EFHC1: variants seen among roughly 807,000 people sequenced by gnomAD.
EFHC1 encodes EF-hand domain-containing protein 1.
In EFHC1, 53 loss-of-function variants were observed where a neutral mutation model predicts 69.9. The ratio of observed to expected loss-of-function variants is 0.76; its 90% CI spans 0.61 to 0.95. EFHC1 has a LOEUF of 0.95. EFHC1 is among the 40% of genes least tolerant of loss of function. The pLI is 0.00. For missense variants in EFHC1, 739 were observed against 798.7 expected, an observed-to-expected ratio of 0.93 and a Z score of 0.90; for synonymous variants, 256 against 278.4, an observed-to-expected ratio of 0.92 and a Z score of 0.80.
At chr6:52,437,845 T>C (rs1034571281) in intron 2 of EFHC1, among the ~76,000 whole-genome samples, 1 of 152,190 alleles carries the variant, frequency 6.6e-6, no homozygotes, top group Non-Finnish European at 1.5e-5. Flanking sequence ...TATAGTCACA[T>C]TGAGGGTTAG....
chr6:52,496,326 G>A lies in EFHC1; in HGVS notation c.*3985G>A, dbSNP rs944726526. On this transcript the variant is annotated 3_prime_UTR_variant, in exon 11 of 11. Transcript: ENST00000371068. ...ACTGCTTATAGTGCTTACGGCTTTG[G>A]GACTAATAAAAATCTGCCTTGCGGG... The A allele has an allele frequency of 2.0e-5, 3 of 152,358 alleles. No homozygotes were observed. Among genetic ancestry groups the A allele is most frequent in the Middle Eastern group, 3.4e-3 (1 of 294 alleles). The allele number at this position is 152,358 out of a possible 1,614,324, so 9.4% of individuals were successfully genotyped here. A position where few individuals can be genotyped will look rare whatever the true frequency, so the allele number is the denominator to read the frequency against.
intron 2 of EFHC1, among the ~76,000 whole-genome samples, chr6:52,424,867 G>A (rs1764270662): frequency 1.3e-5 from 2 of 152,200 alleles, no homozygotes; most frequent in Admixed American, 1.3e-4. Flanking sequence ...ACCCTCATCA[G>A]TTCTAATTTC....
intron 5 of EFHC1, among the ~76,000 whole-genome samples, chr6:52,463,884 G>T (rs906977328): frequency 3.0e-4 from 45 of 152,230 alleles, no homozygotes; most frequent in African/African-American, 1.0e-3. Flanking sequence ...TTAATAAGAT[G>T]CATTATTAGG....
intron 3 of EFHC1, among the ~76,000 whole-genome samples, chr6:52,441,101 G>C (rs1404684384): frequency 6.6e-6 from 1 of 151,984 alleles, no homozygotes; most frequent in Non-Finnish European, 1.5e-5. Context: ...TTACTCTGTT[G>C]ATGCTTTCTT....
At chr6:52,456,338 A>G (rs1264128773) in intron 5 of EFHC1, among the ~76,000 whole-genome samples, 1 of 152,180 alleles carries the variant, frequency 6.6e-6, no homozygotes, top group African/African-American at 2.4e-5. Context: ...GCCTTTCAGA[A>G]TGCTTAAACA....
intron 7 of EFHC1, among the ~76,000 whole-genome samples, chr6:52,473,552 G>A (rs369335212): frequency 1.3e-5 from 2 of 152,202 alleles, no homozygotes; most frequent in South Asian, 4.1e-4. Context: ...AGACCAAGGT[G>A]GGCAGACTGC....
chr6:52,486,216 G>A (rs1369300808), intron 9 of EFHC1: 2 of 152,106 alleles, frequency 1.3e-5, no homozygotes, highest in Admixed American at 1.3e-4. Flanking sequence ...TTTGGAGTTG[G>A]CCATTTGCTT....
intron 3 of EFHC1, among the ~76,000 whole-genome samples, chr6:52,447,257 A>G (rs983210251): frequency 6.6e-6 from 1 of 152,036 alleles, no homozygotes; most frequent in Non-Finnish European, 1.5e-5. Context: ...GGCTTTGTTC[A>G]TTTCTTTTTA....
chr6:52,477,114 AC>A (rs1189260563), intron 7 of EFHC1, among the ~76,000 whole-genome samples: 3 of 151,312 alleles, frequency 2.0e-5, no homozygotes, highest in South Asian at 4.2e-4. Context: ...GTCCCCCCCA[AC>A]CCCCCGGTAT....
In EFHC1 at chr6:52,493,365, C is replaced by CATACATATATATATATATATATAT; in HGVS notation, c.*1027_*1028insCATATATATATATATATATATATA. 1 of 162,966 alleles carries CATACATATATATATATATATATAT rather than the reference C, an allele frequency of 6.1e-6. No homozygotes were observed. The highest frequency in any genetic ancestry group is 6.4e-5 in the South Asian group (1 of 15,738). 10.1% of individuals were successfully genotyped at this position (162,966 alleles called of 1,614,324 possible). A position where few individuals can be genotyped will look rare whatever the true frequency, so the allele number is the denominator to read the frequency against. On this transcript the variant is annotated 3_prime_UTR_variant, in exon 11 of 11. Coordinates refer to ENST00000371068, the MANE Select transcript of EFHC1 (RefSeq NM_018100.4). ...ATAACTCTCTCTTTCTCTCTCTCTA[C>CATACATATATATATATATATATAT]ATATATATATATATATATATTTTAT...
At chr6:52,451,586 C>T (rs1360265471) in intron 3 of EFHC1, among the ~76,000 whole-genome samples, 2 of 152,122 alleles carry the variant, frequency 1.3e-5, no homozygotes, top group Admixed American at 1.3e-4. Context: ...TCATTTTGAC[C>T]TTGGAAAATC....
intron 3 of EFHC1, among the ~76,000 whole-genome samples, chr6:52,447,437 A>G (rs1764811803): frequency 6.6e-6 from 1 of 151,516 alleles, no homozygotes; most frequent in Non-Finnish European, 1.5e-5. Context: ...ACTTTTCTAC[A>G]CTGTTTATTC....
Position 52,479,731 on chromosome 6 carries a change from C to T in EFHC1, c.1584C>T (p.Leu528=), listed in dbSNP as rs774640110. ...CTGCCCAGTATTCACCAGAAGCACT[C>T]GCGTCAATTCAGAACCATGTCCGAA... is the stretch of plus-strand genomic sequence containing the variant. ...SNAAQYSPEA[L]ASIQNHVRKR... The change falls in exon 9 of 11, where the codon CTC becomes CTT. Residue 528 remains leucine, a synonymous_variant. Transcript: ENST00000371068. 120 of 1,614,068 alleles carry T rather than the reference C, an allele frequency of 7.4e-5. No homozygotes were observed. The highest frequency in any genetic ancestry group is 9.8e-5 in the Non-Finnish European group (116 of 1,180,046).
At chr6:52,472,702 TATGTAATATCTTTTACATACA>T (rs1562459922) in intron 7 of EFHC1, among the ~76,000 whole-genome samples, 2 of 149,964 alleles carry the variant, frequency 1.3e-5, no homozygotes, top group African/African-American at 2.5e-5. Context: ...ATACAAGAGA[TATGTAATATCTTTTACATACA>T]AGAGATATGT....
chr6:52,484,753 G>A (rs371974475), intron 9 of EFHC1: 1 of 152,278 alleles, frequency 6.6e-6, no homozygotes, highest in Non-Finnish European at 1.5e-5. Context: ...GGCAGCATAT[G>A]TGGGTTCAGA....
chr6:52,468,824 C>T (rs1765370347), intron 6 of EFHC1: 1 of 167,576 alleles, frequency 6.0e-6, no homozygotes, highest in South Asian at 1.4e-4. Context: ...ACATTAACTA[C>T]AGTCCCAGCA....
chr6:52,420,452 C>G lies in EFHC1; in HGVS notation c.42C>G (p.Gly14=). 3 of 1,614,254 alleles carry G rather than the reference C, an allele frequency of 1.9e-6. No homozygotes were observed. Among genetic ancestry groups the G allele is most frequent in the Non-Finnish European group, 2.5e-6 (3 of 1,180,044 alleles). ...TGCATGGCTTGCCCTTTCTTCCGGG[C>G]ACGTCCTTTAAGGACTCTACGGTGA... The part of the protein sequence containing the change: ...NPVHGLPFLP[G]TSFKDSTKTA... The change falls in exon 1 of 11, where the codon GGC becomes GGG. Residue 14 remains glycine (G), a synonymous_variant. Transcript: ENST00000371068.
chr6:52,430,871 C>G (rs1324607559), intron 2 of EFHC1, among the ~76,000 whole-genome samples: 1 of 151,900 alleles, frequency 6.6e-6, no homozygotes, highest in East Asian at 1.9e-4. Flanking sequence ...TTATTTCAGT[C>G]TTGCTGCTTG....
chr6:52,453,771 A>T, intron 4 of EFHC1: 1 of 1,264,140 alleles, frequency 7.9e-7, no homozygotes, highest in African/African-American at 1.5e-5. Flanking sequence ...ATATATATAT[A>T]CCACTATGTA....
Sources: allele counts gnomAD v4.1 joint callset (sites outside exome capture counted in the v4.1 genomes callset), GRCh38; gene constraint gnomAD v4.1.1; transcripts MANE v1.5; gene names NCBI Gene and HGNC (gene_info 2026-07-23, HGNC 2026-07-21).